The following XAGE5 variants were observed in gnomAD, a reference collection of about 807,000 sequenced individuals.
The protein encoded by XAGE5 is G antigen, family D, 5.
Under a neutral mutation model 13.1 loss-of-function variants are expected in XAGE5, and 13 were observed. That is an observed-to-expected ratio of 0.99 (90% CI 0.64 to 1.57). The LOEUF (loss-of-function observed/expected upper bound fraction) is 1.57, where lower values mean the gene tolerates loss of function less well. Among genes scored for constraint, XAGE5 ranks in the 40% most tolerant of loss-of-function variants. The pLI is 0.00. For synonymous variants in XAGE5, 17 were observed against 25.0 expected (o/e 0.68, Z 0.96); for missense variants, 86 against 77.6 (o/e 1.11, Z -0.41).
chrX:52,818,193 G>A lies in XAGE5; in HGVS notation c.307G>A (p.Glu103Lys), dbSNP rs782167993. Reference sequence around the variant, plus strand: ...CTCCTGTTATGTTTCTATTGCAGGGGAAGGGAAACCACAGCTTTAAACGAA... The same window carrying A: ...CTCCTGTTATGTTTCTATTGCAGGGAAAGGGAAACCACAGCTTTAAACGAA... ...SEQFKMPEGG[E>K]GKPQL The change falls in exon 6 of 6, where the codon GAA becomes AAA. Residue 103 changes from glutamate (E) to lysine (K), a missense_variant and splice_region_variant. Transcript: ENST00000375501. The A allele has an allele frequency of 9.1e-6, 11 of 1,209,731 alleles. No homozygotes were observed. Among genetic ancestry groups the A allele is most frequent in the Non-Finnish European group, 1.0e-5 (9 of 894,857 alleles).
rs1438916041 is a variant in XAGE5, at chrX:52,812,652, C to T, written c.72+14C>T. 3.3e-6 allele frequency: 4 copies of T among 1,206,954 alleles called. No individual in the cohort carries two copies. In the African/African-American group the frequency reaches 5.3e-5, roughly 16 times the overall value. On this transcript the variant is annotated intron_variant, in intron 3 of 5. Coordinates refer to ENST00000375501, the MANE Select transcript of XAGE5 (RefSeq NM_001386970.1). ...GGGCCTATGCTTGTGAGTGACTTCACATTCGATTTTTTTCTACTAGCAGAA... is the reference window on the plus strand; with the variant it reads ...GGGCCTATGCTTGTGAGTGACTTCATATTCGATTTTTTTCTACTAGCAGAA...
chrX:52,818,032 T>C (rs1926942169), intron 5 of XAGE5, among the ~76,000 whole-genome samples, 159 bp from the exon 6 acceptor site: 1 of 112,161 alleles, frequency 8.9e-6, no homozygotes, highest in South Asian at 3.7e-4. Context: ...TCAAAGTCTC[T>C]ACAGAGGTCT....
chrX:52,812,493 C>A lies in XAGE5; in HGVS notation c.-8-66C>A, dbSNP rs1926818020. 1.9e-6 allele frequency: 2 copies of A among 1,046,004 alleles called. 1 individual carries two copies. Among genetic ancestry groups the A allele is most frequent in the Non-Finnish European group, 2.6e-6 (2 of 759,805 alleles). 86.2% of individuals were successfully genotyped at this position (1,046,004 alleles called of 1,213,427 possible). A position where few individuals can be genotyped will look rare whatever the true frequency, so the allele number is the denominator to read the frequency against. On this transcript the variant is annotated intron_variant, in intron 2 of 5. Transcript: ENST00000375501. ...TTCACCATTTTGGCCAAGCTGGCCT[C>A]GAGCTTCTGACCTCAGGTGATCCAT...
At chrX:52,814,965 A>G (rs1926876521) in intron 4 of XAGE5, 127 bp from the exon 5 acceptor site, 1 of 781,929 alleles carries the variant, frequency 1.3e-6, no homozygotes, top group Non-Finnish European at 1.8e-6. Context: ...AATACAGGAA[A>G]ACAAACATTT....
intron 2 of XAGE5, 56 bp from the exon 3 acceptor site, chrX:52,812,503 A>G (rs1413166345): frequency 1.5e-5 from 17 of 1,098,078 alleles, no homozygotes; most frequent in Non-Finnish European, 2.0e-5. Flanking sequence ...CGAGCTTCTG[A>G]CCTCAGGTGA....
intron 4 of XAGE5, chrX:52,814,810 TTTAAG>T (rs1236436828): frequency 2.7e-5 from 7 of 257,273 alleles, no homozygotes; most frequent in Admixed American, 6.1e-5. Flanking sequence ...GAAAATTACA[TTTAAG>T]TTATGATTAA....
chrX:52,812,538 T>C, intron 2 of XAGE5, 21 bp from the exon 3 acceptor site: 1 of 1,201,731 alleles, frequency 8.3e-7, no homozygotes, highest in South Asian at 1.8e-5. Context: ...CCTCCCAAAG[T>C]GCACACTATT....
At chrX:52,814,064 C>T (rs1405407414) in intron 4 of XAGE5, 2 of 211,933 alleles carry the variant, frequency 9.4e-6, no homozygotes, top group Non-Finnish European at 1.8e-5. Context: ...ACCAAGAAAA[C>T]TTGACTCATG....
At chrX:52,812,479 G>T in intron 2 of XAGE5, 80 bp from the exon 3 acceptor site, 5 of 866,167 alleles carry the variant, frequency 5.8e-6, no homozygotes, top group Non-Finnish European at 6.6e-6. Flanking sequence ...TCACCATTTT[G>T]GCCAAGCTGG....
At position 52,812,448 on chromosome X, in the gene XAGE5, A is replaced by G. The variant is rs782086483; in HGVS notation, c.-8-111A>G. 409 of 601,735 alleles carry G rather than the reference A, an allele frequency of 6.8e-4. 2 individuals carry two copies. The African/African-American group carries it at 8.1e-3, about 12-fold the overall frequency. The allele number at this position is 601,735 out of a possible 1,213,427, so 49.6% of individuals were successfully genotyped here. Reference sequence around the variant, plus strand: ...CTACCACACCCAGCTACGTTTTTGTATTTTTAGTAGAGACGGGGTTTCACC... The same window carrying G: ...CTACCACACCCAGCTACGTTTTTGTGTTTTTAGTAGAGACGGGGTTTCACC... On this transcript the variant is annotated intron_variant, in intron 2 of 5. Coordinates refer to ENST00000375501, the MANE Select transcript of XAGE5 (RefSeq NM_001386970.1).
In XAGE5 at chrX:52,815,002, A is replaced by C. The variant is rs1403246002; in HGVS notation, c.179-90A>C. The C allele has an allele frequency of 1.6e-5, 17 of 1,073,502 alleles. No homozygotes were observed. In the Admixed American group the frequency reaches 4.2e-4, roughly 26 times the overall value. 88.5% of individuals were successfully genotyped at this position (1,073,502 alleles called of 1,213,427 possible). A position where few individuals can be genotyped will look rare whatever the true frequency, so the allele number is the denominator to read the frequency against. ...TTACCACAGTAGCCTCTAGGCTTTT[A>C]TTGCACAACACTGAGGAAAAGAATA... On this transcript the variant is annotated intron_variant, in intron 4 of 5. Coordinates refer to ENST00000375501, the MANE Select transcript of XAGE5 (RefSeq NM_001386970.1).
At chrX:52,813,110 C>G (rs782002949) in intron 3 of XAGE5, 30 bp from the exon 4 acceptor site, 14 of 1,182,713 alleles carry the variant, frequency 1.2e-5, no homozygotes, top group Admixed American at 2.2e-5. Context: ...TCTCCACACA[C>G]ACACACCACC....
Position 52,818,107 on chromosome X carries a change from C to T in XAGE5, c.305-84C>T, listed in dbSNP as rs782604026. The stretch of plus-strand genomic sequence containing the variant: ...TTTTAGTCCACTGTATAAAACTAAA[C>T]CTTTGGTGTCCTTTGCATACCTTTA... On this transcript the variant is annotated intron_variant, in intron 5 of 5. Transcript: ENST00000375501. 603 of 1,123,551 alleles carry T rather than the reference C, an allele frequency of 5.4e-4. 2 individuals carry two copies. The highest frequency in any genetic ancestry group is 2.2e-3 in the Middle Eastern group (9 of 4,153). 92.6% of individuals were successfully genotyped at this position (1,123,551 alleles called of 1,213,427 possible).
At position 52,818,257 on chromosome X, in the gene XAGE5, T is replaced by A. The variant is rs782507615; in HGVS notation, c.*44T>A. 1.7e-6 allele frequency: 2 copies of A among 1,198,922 alleles called. No individual in the cohort carries two copies. The highest frequency in any genetic ancestry group is 2.3e-6 in the Non-Finnish European group (2 of 886,577). On this transcript the variant is annotated 3_prime_UTR_variant, in exon 6 of 6. Coordinates refer to ENST00000375501, the MANE Select transcript of XAGE5 (RefSeq NM_001386970.1). ...ATGCAAACTGGATTTATCCGAGATA[T>A]TTGACTTTTAAAAATCTCAATAAAG...
At position 52,818,184 on chromosome X, in the gene XAGE5, A is replaced by T. The variant is rs781923916; in HGVS notation, c.305-7A>T. The T allele has an allele frequency of 3.3e-6, 4 of 1,211,113 alleles. No homozygotes were observed. Among genetic ancestry groups the T allele is most frequent in the Admixed American group, 2.2e-5 (1 of 46,018 alleles). On this transcript the variant is annotated splice_region_variant and splice_polypyrimidine_tract_variant and intron_variant, in intron 5 of 5. Transcript: ENST00000375501. ...TAATGTTCCCTCCTGTTATGTTTCT[A>T]TTGCAGGGGAAGGGAAACCACAGCT...
At chrX:52,814,640 A>AATGAC (rs782071983) in intron 4 of XAGE5, among the ~76,000 whole-genome samples, 12 of 111,663 alleles carry the variant, frequency 1.1e-4, no homozygotes, top group Non-Finnish European at 1.9e-4. Flanking sequence ...TTTTTTTCTT[A>AATGAC]ATGACATTCA....
chrX:52,815,255 T>A, intron 5 of XAGE5, 38 bp downstream of exon 5: 1 of 1,164,212 alleles, frequency 8.6e-7, no homozygotes, highest in Non-Finnish European at 1.2e-6. Context: ...ATGTGCTTTC[T>A]GTATTACACA....
intron 3 of XAGE5, 35 bp from the exon 4 acceptor site, chrX:52,813,103 CCA>C (rs199977618): frequency 1.4e-4 from 164 of 1,145,965 alleles, no homozygotes; most frequent in African/African-American, 2.0e-4. Context: ...TTTTTTATCT[CCA>C]CACACACACA....
chrX:52,814,355 T>C (rs1220598145), intron 4 of XAGE5: 1 of 234,820 alleles, frequency 4.3e-6, no homozygotes, highest in African/African-American at 2.8e-5. Context: ...GTAACTGTGT[T>C]AATAGGATAT....
Sources: allele counts gnomAD v4.1 joint callset (sites outside exome capture counted in the v4.1 genomes callset), GRCh38; gene constraint gnomAD v4.1.1; transcripts MANE v1.5; gene names NCBI Gene and HGNC (gene_info 2026-07-23, HGNC 2026-07-21).